SLX9: variants seen among roughly 807,000 people sequenced by gnomAD.
The protein encoded by SLX9 is ribosome biogenesis protein SLX9 homolog.
In SLX9, 19 loss-of-function variants were observed where a neutral mutation model predicts 20.8. The ratio of observed to expected loss-of-function variants is 0.91; its 90% confidence interval spans 0.64 to 1.34. SLX9 has a LOEUF of 1.34. Among genes scored for constraint, SLX9 ranks in the 40% most tolerant of loss-of-function variants. The pLI is 0.00. For missense variants in SLX9, 299 were observed against 322.2 expected, an observed-to-expected ratio of 0.93 and a Z score of 0.55; for synonymous variants, 113 against 137.1, an observed-to-expected ratio of 0.82 and a Z score of 1.23.
intron 1 of SLX9, among the ~76,000 whole-genome samples, 176 bp downstream of exon 1, chr21:44,940,362 C>T (rs2084519024): frequency 6.6e-6 from 1 of 152,242 alleles, no homozygotes. Flanking sequence ...CTCCGAGGCT[C>T]CGCTCTGCGC....
At chr21:44,971,220 G>A (rs768559218) in intron 4 of SLX9, among the ~76,000 whole-genome samples, 4 of 152,232 alleles carry the variant, frequency 2.6e-5, no homozygotes, top group East Asian at 3.8e-4. Flanking sequence ...AGGGAGTGCC[G>A]TGGGGGCTGG....
intron 1 of SLX9, among the ~76,000 whole-genome samples, chr21:44,941,813 G>A (rs1365597702): frequency 6.6e-6 from 1 of 152,184 alleles, no homozygotes; most frequent in Non-Finnish European, 1.5e-5. Context: ...TGGGCACCCT[G>A]CCCTCTGCAT....
At chr21:44,968,110 C>G (rs967390156) in intron 4 of SLX9, among the ~76,000 whole-genome samples, 1 of 152,102 alleles carries the variant, frequency 6.6e-6, no homozygotes, top group Non-Finnish European at 1.5e-5. Context: ...CCCCCCTGCC[C>G]TGGGCAAGGC....
chr21:44,939,724 A>G (rs964114814), upstream of SLX9: 14 of 490,710 alleles, frequency 2.9e-5, no homozygotes, highest in Admixed American at 3.0e-4. Flanking sequence ...AATTTTAAAA[A>G]GGCCATCTCG....
At chr21:44,968,943 CGG>C (rs1348802585) in intron 4 of SLX9, among the ~76,000 whole-genome samples, 1 of 152,122 alleles carries the variant, frequency 6.6e-6, no homozygotes, top group African/African-American at 2.4e-5. Context: ...TTAGCGGAGA[CGG>C]GGTTTCACCG....
intron 4 of SLX9, among the ~76,000 whole-genome samples, chr21:44,968,309 C>T (rs1162268046): frequency 2.0e-5 from 3 of 152,164 alleles, no homozygotes; most frequent in Non-Finnish European, 4.4e-5. Context: ...GATACCACCA[C>T]CCGGTGACGC....
intron 4 of SLX9, among the ~76,000 whole-genome samples, chr21:44,971,038 G>A (rs908949419): frequency 4.8e-5 from 7 of 146,370 alleles, no homozygotes; most frequent in South Asian, 2.2e-4. Flanking sequence ...AGCAGGCATC[G>A]AGCGACACTT....
intron 5 of SLX9, among the ~76,000 whole-genome samples, chr21:44,974,700 G>A (rs2085230252): frequency 6.6e-6 from 1 of 152,194 alleles, no homozygotes; most frequent in Non-Finnish European, 1.5e-5. Context: ...TGAGGAGCAG[G>A]GTCTTCCCGT....
intron 2 of SLX9, among the ~76,000 whole-genome samples, chr21:44,956,720 A>T (rs560020935): frequency 6.6e-6 from 1 of 152,222 alleles, no homozygotes; most frequent in African/African-American, 2.4e-5. Context: ...CTTAGGGTCC[A>T]TCAGAACACG....
intron 2 of SLX9, among the ~76,000 whole-genome samples, chr21:44,949,812 G>A (rs1475066485): frequency 2.6e-5 from 4 of 152,206 alleles, no homozygotes; most frequent in South Asian, 4.1e-4. Flanking sequence ...AGCACAGAGC[G>A]CTGCCCAGGT....
intron 3 of SLX9, 99 bp from the exon 4 acceptor site, chr21:44,966,935 G>T: frequency 6.7e-7 from 1 of 1,483,206 alleles, no homozygotes; most frequent in Admixed American, 2.0e-5. Context: ...GAGGCAGCAG[G>T]GCCGGGCACC....
chr21:44,948,665 C>T (rs114349094), intron 2 of SLX9, among the ~76,000 whole-genome samples: 2,571 of 152,118 alleles, frequency 0.017, 84 homozygotes, highest in African/African-American at 0.058. Context: ...GCATGGTGGA[C>T]GGCTTGGGGG....
chr21:44,973,508 GA>G (rs2085201078), intron 5 of SLX9, among the ~76,000 whole-genome samples: 3 of 80,300 alleles, frequency 3.7e-5, no homozygotes, highest in South Asian at 5.7e-4. Flanking sequence ...CCTCTCCAGG[GA>G]TTCAGCTCCT....
At chr21:44,953,754 G>A (rs930141955) in intron 2 of SLX9, among the ~76,000 whole-genome samples, 3 of 152,170 alleles carry the variant, frequency 2.0e-5, no homozygotes, top group Non-Finnish European at 2.9e-5. Flanking sequence ...TGACCTTGGC[G>A]CTCTGCATTC....
intron 4 of SLX9, among the ~76,000 whole-genome samples, chr21:44,969,937 T>G (rs2085112150): frequency 0.019 from 1 of 54 alleles, no homozygotes; most frequent in Admixed American, 0.12. Context: ...GGAAGCTGCC[T>G]GTCAGCTGAA....
intron 2 of SLX9, among the ~76,000 whole-genome samples, chr21:44,948,657 A>G (rs1381834569): frequency 6.6e-6 from 1 of 152,100 alleles, no homozygotes; most frequent in Admixed American, 6.5e-5. Flanking sequence ...AGCTCACAGC[A>G]TGGTGGACGG....
intron 1 of SLX9, 106 bp from the exon 2 acceptor site, chr21:44,943,578 A>G (rs1036783572): frequency 2.8e-5 from 40 of 1,447,110 alleles, no homozygotes; most frequent in Non-Finnish European, 3.7e-5. Flanking sequence ...AAGCTGGGGA[A>G]TCCAGGTTCT....
intron 4 of SLX9, among the ~76,000 whole-genome samples, chr21:44,967,738 A>G (rs1189894049): frequency 6.6e-6 from 1 of 152,070 alleles, no homozygotes; most frequent in Non-Finnish European, 1.5e-5. Flanking sequence ...GGGTGTGGTG[A>G]GCGTGTGGGA....
intron 3 of SLX9, 22 bp from the exon 4 acceptor site, chr21:44,967,012 A>C: frequency 1.3e-6 from 2 of 1,597,700 alleles, no homozygotes; most frequent in South Asian, 2.2e-5. Context: ...GTTTGCCTCT[A>C]ACGTCGTTTC....
Sources: allele counts gnomAD v4.1 joint callset (sites outside exome capture counted in the v4.1 genomes callset), GRCh38; gene constraint gnomAD v4.1.1; transcripts MANE v1.5; gene names NCBI Gene and HGNC (gene_info 2026-07-23, HGNC 2026-07-21).